LRFN2: variants seen among roughly 807,000 people sequenced by gnomAD.
LRFN2 encodes leucine-rich repeat and fibronectin type-III domain-containing protein 2.
In LRFN2, 18 loss-of-function variants were observed where a neutral mutation model predicts 37.3. The observed-to-expected ratio is 0.48, with a 90% CI of 0.33 to 0.72. The LOEUF is 0.72. Among genes scored for constraint, LRFN2 ranks in the 30% least tolerant of loss-of-function variants. The probability of loss-of-function intolerance (pLI) is 0.02; values close to 1 mark genes in which losing one functional copy is unlikely to be tolerated. For missense variants in LRFN2, 1,006 were observed against 1,060.7 expected (o/e 0.95, Z 0.72); for synonymous variants, 556 against 466.6 (o/e 1.19, Z -2.47).
chr6:40,398,790 G>T (rs1433765252), intron 2 of LRFN2, among the ~76,000 whole-genome samples: 3 of 151,844 alleles, frequency 2.0e-5, no homozygotes, highest in East Asian at 1.9e-4. Context: ...GCTGCCTCTG[G>T]ATTGTTTTTC....
intron 1 of LRFN2, among the ~76,000 whole-genome samples, chr6:40,475,322 A>G (rs1286255458): frequency 6.6e-6 from 1 of 152,146 alleles, no homozygotes; most frequent in Non-Finnish European, 1.5e-5. Flanking sequence ...CCCCTGGAGG[A>G]AAAATGGAAA....
chr6:40,523,976 AGGGGGAGGGGC>A lies in LRFN2; in HGVS notation c.-19+62954_-19+62964del, dbSNP rs1766167345. The A allele has an allele frequency of 5.5e-4, 7 of 12,622 alleles. No individual in the cohort carries two copies. The African/African-American group carries it at 0.014, about 26-fold the overall frequency. 0.8% of individuals were successfully genotyped at this position (12,622 alleles called of 1,614,324 possible). On this transcript the variant is annotated intron_variant, in intron 1 of 2. Transcript: ENST00000338305. ...TCCAACTGTGTCTGCATAGAAGGGC[AGGGGGAGGGGC>A]TGGGAAGGGCAGGGGGAGGGGCTGG... is the stretch of plus-strand genomic sequence containing the variant.
intron 1 of LRFN2, among the ~76,000 whole-genome samples, chr6:40,553,522 A>AT (rs1161889718): frequency 3.3e-5 from 5 of 152,164 alleles, no homozygotes; most frequent in Non-Finnish European, 7.3e-5. Context: ...TGGACACTCC[A>AT]TTTGTAAATA....
intron 1 of LRFN2, among the ~76,000 whole-genome samples, chr6:40,525,278 G>T (rs139380239): frequency 2.6e-5 from 4 of 152,170 alleles, no homozygotes; most frequent in African/African-American, 9.7e-5. Flanking sequence ...AAGCAAGGGC[G>T]GCCCTGCTGC....
intron 1 of LRFN2, among the ~76,000 whole-genome samples, chr6:40,476,617 C>G (rs1764713743): frequency 6.6e-6 from 1 of 152,276 alleles, no homozygotes; most frequent in African/African-American, 2.4e-5. Flanking sequence ...GCTCAACACT[C>G]TTGGTCTCTA....
At chr6:40,439,074 G>A (rs1015397442) in intron 1 of LRFN2, among the ~76,000 whole-genome samples, 20 of 152,012 alleles carry the variant, frequency 1.3e-4, no homozygotes, top group African/African-American at 4.6e-4. Flanking sequence ...CCCCTCCCTG[G>A]GCTCTGCCTC....
At chr6:40,479,610 T>C (rs1764782193) in intron 1 of LRFN2, among the ~76,000 whole-genome samples, 1 of 152,286 alleles carries the variant, frequency 6.6e-6, no homozygotes, top group East Asian at 1.9e-4. Context: ...GGGAGAAGCA[T>C]AATCCTGAGT....
chr6:40,432,866 A>G lies in LRFN2; in HGVS notation c.248T>C (p.Leu83Pro). The part of the protein sequence containing the change: ...ANMTGLVDLT[L>P]SRNTISHIQP... Reference sequence around the variant, plus strand: ...GATGTGGCTGATGGTGTTCCTGGACAGGGTCAGGTCCACCAGCCCCGTCAT... The same window carrying G: ...GATGTGGCTGATGGTGTTCCTGGACGGGGTCAGGTCCACCAGCCCCGTCAT... The change falls in exon 2 of 3, where the codon CTG becomes CCG. Residue 83 changes from leucine (L) to proline (P), a missense_variant. This residue lies in a region of LRFN2 where 185 missense variants were observed against 254.9 expected (regional missense o/e 0.73). Coordinates refer to ENST00000338305, the MANE Select transcript of LRFN2 (RefSeq NM_020737.3). The G allele has an allele frequency of 6.2e-7, 1 of 1,614,230 alleles. No individual in the cohort carries two copies. Among genetic ancestry groups the G allele is most frequent in the Non-Finnish European group, 8.5e-7 (1 of 1,180,042 alleles).
At chr6:40,402,587 A>G (rs1486249235) in intron 2 of LRFN2, among the ~76,000 whole-genome samples, 2 of 152,240 alleles carry the variant, frequency 1.3e-5, no homozygotes, top group African/African-American at 2.4e-5. Flanking sequence ...TGAGGGAGGT[A>G]CTAGTCTTAT....
chr6:40,526,789 C>T (rs572962034), intron 1 of LRFN2, among the ~76,000 whole-genome samples: 3 of 152,296 alleles, frequency 2.0e-5, no homozygotes, highest in African/African-American at 4.8e-5. Context: ...CAGGAACCAC[C>T]CTTAGCCCAC....
intron 1 of LRFN2, among the ~76,000 whole-genome samples, chr6:40,493,203 C>T (rs1765134290): frequency 6.6e-6 from 1 of 152,010 alleles, no homozygotes; most frequent in African/African-American, 2.4e-5. Flanking sequence ...GGAAGTGTGT[C>T]CCTCTATAGA....
In LRFN2 at chr6:40,451,085, A is replaced by T. The variant is rs1043495520; in HGVS notation, c.-18-17954T>A. On this transcript the variant is annotated intron_variant, in intron 1 of 2. Coordinates refer to ENST00000338305, the MANE Select transcript of LRFN2 (RefSeq NM_020737.3). ...GAGAAGTGCACTAAGGGAACTAGAC[A>T]TGTGTGATATAATCTAGGAGAGGAG... Among the ~76,000 whole-genome samples the T allele has an allele frequency of 2.0e-5, 3 of 152,358 alleles. No homozygotes were observed. The South Asian group carries it at 6.2e-4, about 32-fold the overall frequency.
chr6:40,399,426 C>CTTTTTTTTTTTTTTTTTT (rs61458320), intron 2 of LRFN2, among the ~76,000 whole-genome samples: 1 of 134,364 alleles, frequency 7.4e-6, no homozygotes, highest in Non-Finnish European at 1.6e-5. Flanking sequence ...TTTTTCTTTT[C>CTTTTTTTTTTTTTTTTTT]TTTTTTTTTT....
intron 1 of LRFN2, among the ~76,000 whole-genome samples, chr6:40,535,958 G>A (rs754451417): frequency 1.3e-5 from 2 of 152,098 alleles, no homozygotes; most frequent in Non-Finnish European, 2.9e-5. Flanking sequence ...CGATGCAGAA[G>A]CCAATGGGTC....
chr6:40,528,325 G>A (rs1766291742), intron 1 of LRFN2, among the ~76,000 whole-genome samples: 1 of 152,240 alleles, frequency 6.6e-6, no homozygotes, highest in Admixed American at 6.5e-5. Context: ...CTCAGACACT[G>A]TAGATGCCCA....
At chr6:40,507,097 C>T (rs966572247) in intron 1 of LRFN2, among the ~76,000 whole-genome samples, 3 of 152,306 alleles carry the variant, frequency 2.0e-5, no homozygotes, top group East Asian at 1.9e-4. Flanking sequence ...GCGTGGATGA[C>T]GTCCTCCGCC....
Position 40,514,572 on chromosome 6 carries a change from C to G in LRFN2, c.-19+72369G>C, listed in dbSNP as rs550724843. Among the ~76,000 whole-genome samples the G allele has an allele frequency of 5.9e-5, 9 of 152,270 alleles. No individual in the cohort carries two copies. In the East Asian group the frequency reaches 1.7e-3, roughly 29 times the overall value. ...TCAGGTGATCTGCCCGCCTTGGCCT[C>G]CCAAAGTGCTGAGATTACAGGTGTG... On this transcript the variant is annotated intron_variant, in intron 1 of 2. Transcript: ENST00000338305.
At chr6:40,395,069 A>T (rs1315541758) in intron 2 of LRFN2, among the ~76,000 whole-genome samples, 1 of 151,462 alleles carries the variant, frequency 6.6e-6, no homozygotes, top group African/African-American at 2.4e-5. Flanking sequence ...AGAAGAGGCC[A>T]GAGGGGTTAG....
chr6:40,441,331 G>A (rs1307606303), intron 1 of LRFN2, among the ~76,000 whole-genome samples: 1 of 152,200 alleles, frequency 6.6e-6, no homozygotes, highest in African/African-American at 2.4e-5. Flanking sequence ...AGAGGTGTGT[G>A]TGTGAGGAAG....
Sources: allele counts gnomAD v4.1 joint callset (sites outside exome capture counted in the v4.1 genomes callset), GRCh38; gene constraint gnomAD v4.1.1; regional missense constraint gnomAD v4.1.1; transcripts MANE v1.5; gene names NCBI Gene and HGNC (gene_info 2026-07-23, HGNC 2026-07-21).